The following EYS variants were observed in gnomAD, a reference collection of about 807,000 sequenced individuals.
EYS encodes EGF-like photoreceptor maintenance factor.
Under a neutral mutation model 282.1 loss-of-function variants are expected in EYS, and 250 were observed. That is an observed-to-expected ratio of 0.89 (90% CI 0.80 to 0.98). The LOEUF (loss-of-function observed/expected upper bound fraction) is 0.98. Ranked by LOEUF, EYS falls within the 50% of genes least tolerant of loss-of-function variation. The probability of loss-of-function intolerance (pLI) is 0.00; values close to 1 mark genes in which losing one functional copy is unlikely to be tolerated. For synonymous variants in EYS, 1,355 were observed against 1,282.9 expected, an observed-to-expected ratio of 1.06 and a Z score of -1.20; for missense variants, 4,016 against 3,709.0, an observed-to-expected ratio of 1.08 and a Z score of -2.15.
chr6:63,796,075 T>C (rs944398672), intron 37 of EYS, among the ~76,000 whole-genome samples: 8 of 152,154 alleles, frequency 5.3e-5, no homozygotes, highest in Admixed American at 2.0e-4. Context: ...AGCATAAAAC[T>C]CATTTATTAA....
intron 12 of EYS, among the ~76,000 whole-genome samples, chr6:65,116,715 A>T (rs139571260): frequency 2.4e-3 from 362 of 152,298 alleles, no homozygotes; most frequent in African/African-American, 8.0e-3. Context: ...ACAACAAAAA[A>T]ACAAAAACAG....
chr6:64,713,233 GA>G (rs1408863482), intron 22 of EYS: 2 of 152,128 alleles, frequency 1.3e-5, no homozygotes, highest in African/African-American at 2.4e-5. Context: ...TTGGTTTCCA[GA>G]ATATGATTTC....
chr6:64,627,895 C>T (rs1192344251), intron 22 of EYS, among the ~76,000 whole-genome samples: 1 of 152,002 alleles, frequency 6.6e-6, no homozygotes. Context: ...CTGGCGAACA[C>T]GGTGAAACCC....
At position 64,230,657 on chromosome 6, in the gene EYS, GAGAGGA is replaced by G. The variant is rs1766398465; in HGVS notation, c.6353_6358del (p.Phe2118_Leu2119del). ...ACATTGGAATGACACTATGCCACTG[GAGAGGA>G]AGATGGCATGGCATGTGCCTCCATT... is the stretch of plus-strand genomic sequence containing the variant. On this transcript the variant is annotated inframe_deletion, in exon 31 of 43. Coordinates refer to ENST00000503581, the MANE Select transcript of EYS (RefSeq NM_001142800.2). 1 of 1,551,444 alleles carries G rather than the reference GAGAGGA, an allele frequency of 6.4e-7. No homozygotes were observed. Among genetic ancestry groups the G allele is most frequent in the Admixed American group, 2.0e-5 (1 of 50,974 alleles).
intron 31 of EYS, among the ~76,000 whole-genome samples, chr6:64,184,441 C>T (rs1764875571): frequency 6.6e-6 from 1 of 152,052 alleles, no homozygotes; most frequent in African/African-American, 2.4e-5. Context: ...AAAAGGCTAG[C>T]ATGTTAAATA....
chr6:64,319,088 G>T lies in EYS; in HGVS notation c.6079-12006C>A, dbSNP rs1770095964. ...CAGTAAAGTCCTTTCTCTTTATATTGTTATTGCCACTTCTGTTTTTTAATG... is the reference window on the plus strand; with the variant it reads ...CAGTAAAGTCCTTTCTCTTTATATTTTTATTGCCACTTCTGTTTTTTAATG... On this transcript the variant is annotated intron_variant, in intron 29 of 42. Coordinates refer to ENST00000503581, the MANE Select transcript of EYS (RefSeq NM_001142800.2). 2.0e-5 allele frequency among the ~76,000 whole-genome samples: 3 copies of T among 151,068 alleles called. 1 individual carries two copies. The South Asian group carries it at 6.3e-4, about 31-fold the overall frequency.
intron 31 of EYS, among the ~76,000 whole-genome samples, chr6:64,149,900 C>G (rs1230502392): frequency 1.3e-5 from 2 of 152,114 alleles, no homozygotes; most frequent in Admixed American, 6.6e-5. Flanking sequence ...TAATGCCCTG[C>G]CTTCATGGGG....
intron 5 of EYS, among the ~76,000 whole-genome samples, chr6:65,469,423 T>A (rs912498883): frequency 6.6e-6 from 1 of 152,064 alleles, no homozygotes; most frequent in African/African-American, 2.4e-5. Flanking sequence ...TACATAGATA[T>A]GTATTTCTTT....
At chr6:65,187,938 ACT>A (rs1369330791) in intron 12 of EYS, among the ~76,000 whole-genome samples, 1 of 151,640 alleles carries the variant, frequency 6.6e-6, no homozygotes, top group Non-Finnish European at 1.5e-5. Context: ...TTCTAATTTC[ACT>A]GTCCCTATAT....
At chr6:63,889,548 A>G (rs201147687) in intron 35 of EYS, among the ~76,000 whole-genome samples, 1 of 151,096 alleles carries the variant, frequency 6.6e-6, no homozygotes, top group South Asian at 2.1e-4. Context: ...GAGAAATAAA[A>G]TCCTTTACAG....
chr6:65,562,000 A>AT (rs1245716028), intron 2 of EYS, among the ~76,000 whole-genome samples: 1 of 151,296 alleles, frequency 6.6e-6, no homozygotes, highest in Non-Finnish European at 1.5e-5. Flanking sequence ...TCATTGTAAA[A>AT]TTTTTTGTAT....
rs117768259 is a variant in EYS, at chr6:65,149,363, G to A, written c.2024-91636C>T. ...CACCAAAATGATTTGCTAAGGCATA[G>A]CAAGAGTTACCTTTGCTCCAGCTCC... On this transcript the variant is annotated intron_variant, in intron 12 of 42. Coordinates refer to ENST00000503581, the MANE Select transcript of EYS (RefSeq NM_001142800.2). Among the ~76,000 whole-genome samples, 9 of 152,240 alleles carry A rather than the reference G, an allele frequency of 5.9e-5. No homozygotes were observed. The East Asian group carries it at 9.7e-4, about 16-fold the overall frequency.
chr6:64,298,076 A>G (rs1769103266), intron 30 of EYS, among the ~76,000 whole-genome samples: 1 of 152,156 alleles, frequency 6.6e-6, no homozygotes, highest in African/African-American at 2.4e-5. Flanking sequence ...CTTGCTAGAA[A>G]TGCTCAAGGG....
chr6:65,206,418 C>T (rs568468338), intron 12 of EYS, among the ~76,000 whole-genome samples: 2 of 151,326 alleles, frequency 1.3e-5, no homozygotes, highest in South Asian at 4.2e-4. Flanking sequence ...AAAATAAGCC[C>T]AGGACCAACA....
At chr6:63,829,909 T>C (rs1463992940) in intron 36 of EYS, among the ~76,000 whole-genome samples, 1 of 152,188 alleles carries the variant, frequency 6.6e-6, no homozygotes, top group Non-Finnish European at 1.5e-5. Context: ...TTCTGCAATA[T>C]TTGCTGTTCT....
At chr6:65,619,787 C>T (rs1226257774) in intron 2 of EYS, among the ~76,000 whole-genome samples, 19 of 150,392 alleles carry the variant, frequency 1.3e-4, no homozygotes, top group African/African-American at 4.7e-4. Flanking sequence ...TTGTCAAAGG[C>T]CTTTTCTGCA....
intron 2 of EYS, among the ~76,000 whole-genome samples, chr6:65,549,990 A>G (rs1768542773): frequency 9.2e-6 from 1 of 108,852 alleles, no homozygotes; most frequent in African/African-American, 3.3e-5. Flanking sequence ...GGTGGCAACC[A>G]TCCTCCCTGG....
chr6:65,620,266 T>C (rs1214876634), intron 2 of EYS, among the ~76,000 whole-genome samples: 1 of 152,200 alleles, frequency 6.6e-6, no homozygotes, highest in Non-Finnish European at 1.5e-5. Flanking sequence ...TTCAGCTTCT[T>C]CCTGGTTTAG....
At chr6:65,423,467 G>A (rs995651669) in intron 5 of EYS, among the ~76,000 whole-genome samples, 1 of 151,808 alleles carries the variant, frequency 6.6e-6, no homozygotes, top group African/African-American at 2.4e-5. Flanking sequence ...AGAATCACAG[G>A]GTCAGCTTTT....
Sources: gnomAD v4.1 joint callset for allele counts (sites outside exome capture counted in the v4.1 genomes callset) on GRCh38, gnomAD v4.1.1 for gene constraint, MANE v1.5 for transcripts, NCBI Gene and HGNC (gene_info 2026-07-23, HGNC 2026-07-21) for gene names.